LRRC4C: variants seen among roughly 807,000 people sequenced by gnomAD.
LRRC4C encodes leucine-rich repeat-containing protein 4C.
LRRC4C carries 5 observed loss-of-function variants against 33.6 expected under a neutral mutation model. The ratio of observed to expected loss-of-function variants is 0.15; its 90% confidence interval spans 0.08 to 0.31. LRRC4C has a LOEUF of 0.31. LRRC4C is among the 10% of genes least tolerant of loss of function. The pLI is 1.00. For synonymous variants in LRRC4C, 329 were observed against 302.0 expected (o/e 1.09, Z -0.93); for missense variants, 560 against 796.7 (o/e 0.70, Z 3.58).
chr11:40,141,821 T>G (rs1857386303), intron 5 of LRRC4C, among the ~76,000 whole-genome samples: 1 of 152,224 alleles, frequency 6.6e-6, no homozygotes, highest in South Asian at 2.1e-4. Context: ...ATGGGCATTT[T>G]ACTGTATTAG....
chr11:41,298,438 A>G (rs1950200437), intron 1 of LRRC4C, among the ~76,000 whole-genome samples: 1 of 151,318 alleles, frequency 6.6e-6, no homozygotes, highest in African/African-American at 2.4e-5. Context: ...TAAGCTGGAT[A>G]CTCACCACCT....
At chr11:41,425,787 G>T (rs1036174615) in intron 1 of LRRC4C, among the ~76,000 whole-genome samples, 3 of 152,034 alleles carry the variant, frequency 2.0e-5, no homozygotes, top group African/African-American at 7.2e-5. Flanking sequence ...CTATGGGAGG[G>T]GTGATGTGCT....
chr11:40,479,196 G>A (rs931444432), intron 3 of LRRC4C, among the ~76,000 whole-genome samples: 1 of 152,142 alleles, frequency 6.6e-6, no homozygotes, highest in Non-Finnish European at 1.5e-5. Flanking sequence ...CACTCAGTGA[G>A]AGTATTACAT....
intron 2 of LRRC4C, among the ~76,000 whole-genome samples, chr11:40,832,033 C>G (rs1002049191): frequency 3.9e-5 from 6 of 152,026 alleles, no homozygotes; most frequent in African/African-American, 1.4e-4. Context: ...CCATGTTAAG[C>G]AATTATATCA....
At position 40,583,670 on chromosome 11, in the gene LRRC4C, G is replaced by A. The variant is rs913207020; in HGVS notation, c.-270+64472C>T. Among the ~76,000 whole-genome samples, 5 of 151,910 alleles carry A rather than the reference G, an allele frequency of 3.3e-5. 1 individual carries two copies. The highest frequency in any genetic ancestry group is 2.6e-4 in the Admixed American group (4 of 15,268). ...GCCCTTGCAAATTCACAGGGTATTCGGTAGTCTCTCCACTTCCTTAGTACT... is the reference window on the plus strand; with the variant it reads ...GCCCTTGCAAATTCACAGGGTATTCAGTAGTCTCTCCACTTCCTTAGTACT... On this transcript the variant is annotated intron_variant, in intron 3 of 6. Coordinates refer to ENST00000528697, the MANE Select transcript of LRRC4C (RefSeq NM_001258419.2).
At chr11:41,367,050 C>G (rs1001489003) in intron 1 of LRRC4C, among the ~76,000 whole-genome samples, 4 of 152,074 alleles carry the variant, frequency 2.6e-5, no homozygotes, top group African/African-American at 9.7e-5. Context: ...CTAATGATAG[C>G]CTATGTTCTT....
chr11:40,374,336 T>G (rs2137285946), intron 3 of LRRC4C, among the ~76,000 whole-genome samples: 1 of 152,252 alleles, frequency 6.6e-6, no homozygotes, highest in Admixed American at 6.5e-5. Flanking sequence ...ATTTATTAAT[T>G]CCCTAATCTG....
intron 1 of LRRC4C, among the ~76,000 whole-genome samples, chr11:41,304,515 G>A (rs1299101822): frequency 1.2e-4 from 14 of 113,820 alleles, no homozygotes; most frequent in Non-Finnish European, 2.6e-4. Context: ...CCCCGTCCGG[G>A]AGGGAGGTGG....
chr11:41,174,419 C>T (rs1159564246), intron 1 of LRRC4C, among the ~76,000 whole-genome samples: 3 of 152,016 alleles, frequency 2.0e-5, no homozygotes, highest in Admixed American at 1.3e-4. Flanking sequence ...GTCTTCTGTA[C>T]ATGCAGAATG....
chr11:40,772,781 G>A (rs1275505616), intron 2 of LRRC4C, among the ~76,000 whole-genome samples: 7 of 152,120 alleles, frequency 4.6e-5, no homozygotes, highest in Admixed American at 2.0e-4. Context: ...CTACTATGGA[G>A]AACAGTATGG....
chr11:40,904,997 C>T (rs1357664168), intron 2 of LRRC4C, among the ~76,000 whole-genome samples: 1 of 152,112 alleles, frequency 6.6e-6, no homozygotes, highest in Non-Finnish European at 1.5e-5. Flanking sequence ...CATTTGTGCG[C>T]ACGTGCACAC....
intron 2 of LRRC4C, among the ~76,000 whole-genome samples, chr11:40,774,183 A>G (rs1949881545): frequency 6.6e-6 from 1 of 152,114 alleles, no homozygotes; most frequent in African/African-American, 2.4e-5. Context: ...AAATATTAAC[A>G]TTTATCCTGG....
rs149907150 is a variant in LRRC4C, at chr11:40,526,223, C to T, written c.-270+121919G>A. Among the ~76,000 whole-genome samples the T allele has an allele frequency of 3.5e-3, 539 of 152,114 alleles. 1 individual carries two copies. The highest frequency in any genetic ancestry group is 5.9e-3 in the Non-Finnish European group (404 of 67,974). On this transcript the variant is annotated intron_variant, in intron 3 of 6. Transcript: ENST00000528697. ...ACACAGAAAATGCCAAGCATAAAAA[C>T]GTGATAAATCAGACTACATTAAAAA... is the stretch of plus-strand genomic sequence containing the variant.
chr11:40,811,042 C>T (rs1951466693), intron 2 of LRRC4C, among the ~76,000 whole-genome samples: 1 of 152,154 alleles, frequency 6.6e-6, no homozygotes, highest in Non-Finnish European at 1.5e-5. Flanking sequence ...CTCTGCATTC[C>T]AGAAATCCTG....
intron 2 of LRRC4C, among the ~76,000 whole-genome samples, chr11:40,822,622 G>A (rs555260077): frequency 6.6e-6 from 1 of 151,770 alleles, no homozygotes; most frequent in Non-Finnish European, 1.5e-5. Context: ...CCATGCTGTA[G>A]GTTGGCTCTT....
intron 1 of LRRC4C, among the ~76,000 whole-genome samples, chr11:41,135,729 G>A (rs188398130): frequency 2.8e-4 from 43 of 152,198 alleles, no homozygotes; most frequent in East Asian, 1.2e-3. Context: ...TTATGCCTTC[G>A]TTCTACCTTA....
chr11:40,234,288 C>A (rs1413150200), intron 5 of LRRC4C, among the ~76,000 whole-genome samples: 1 of 152,154 alleles, frequency 6.6e-6, no homozygotes, highest in Non-Finnish European at 1.5e-5. Flanking sequence ...TTGTAAGGTA[C>A]GTATTATCAC....
chr11:40,536,402 C>T (rs1207066750), intron 3 of LRRC4C, among the ~76,000 whole-genome samples: 1 of 152,148 alleles, frequency 6.6e-6, no homozygotes, highest in Non-Finnish European at 1.5e-5. Flanking sequence ...CCATGTTGGC[C>T]AGGATGGTCT....
chr11:40,669,792 T>G (rs1943995375), intron 2 of LRRC4C, among the ~76,000 whole-genome samples: 1 of 152,248 alleles, frequency 6.6e-6, no homozygotes, highest in Non-Finnish European at 1.5e-5. Context: ...CATATTTATG[T>G]CCAATGTAAC....
Sources: gnomAD v4.1 joint callset for allele counts (sites outside exome capture counted in the v4.1 genomes callset) on GRCh38, gnomAD v4.1.1 for gene constraint, MANE v1.5 for transcripts, NCBI Gene and HGNC (gene_info 2026-07-23, HGNC 2026-07-21) for gene names.